HELLS: variants seen among roughly 807,000 people sequenced by gnomAD.
The protein encoded by HELLS is lymphoid-specific helicase.
In HELLS, 32 loss-of-function variants were observed where a neutral mutation model predicts 120.0. The observed-to-expected ratio is 0.27, with a 90% confidence interval of 0.20 to 0.36. The LOEUF (loss-of-function observed/expected upper bound fraction) is 0.36. Among genes scored for constraint, HELLS ranks in the 10% least tolerant of loss-of-function variants. The pLI, the probability that HELLS is intolerant of heterozygous loss-of-function variation, is 1.00. For synonymous variants in HELLS, 341 were observed against 323.4 expected, an observed-to-expected ratio of 1.05 and a Z score of -0.58; for missense variants, 650 against 993.4, an observed-to-expected ratio of 0.65 and a Z score of 4.65.
Position 94,592,423 on chromosome 10 carries a change from T to C in HELLS, c.1880T>C (p.Met627Thr). Residue 627 changes from methionine to threonine, a missense_variant, in exon 17 of 22, where the codon ATG (methionine) becomes ACG (threonine). This residue lies in a region of HELLS where 191 missense variants were observed against 259.7 expected (regional missense o/e 0.74). Transcript: ENST00000348459. ...KVLLFSQMTSMLDILMDYCHL... is the reference protein window; with the variant it reads ...KVLLFSQMTSTLDILMDYCHL... ...CTGCTTTTTTCACAAATGACAAGCA[T>C]GTTGGACATTTTGATGGATTACTGC... The C allele has an allele frequency of 6.3e-7, 1 of 1,590,890 alleles. No homozygotes were observed. Among genetic ancestry groups the C allele is most frequent in the African/African-American group, 1.4e-5 (1 of 73,734 alleles).
At chr10:94,572,320 A>T (rs1844219392) in intron 7 of HELLS, among the ~76,000 whole-genome samples, 1 of 152,210 alleles carries the variant, frequency 6.6e-6, no homozygotes, top group South Asian at 2.1e-4. Context: ...GAATTTCGAC[A>T]CTTGCATACA....
chr10:94,583,275 A>G (rs1200524472), intron 12 of HELLS, among the ~76,000 whole-genome samples: 2 of 152,074 alleles, frequency 1.3e-5, no homozygotes, highest in Non-Finnish European at 2.9e-5. Flanking sequence ...CAGATAGTAT[A>G]CTCATTTTAC....
intron 12 of HELLS, chr10:94,584,162 G>T: frequency 1.1e-6 from 1 of 933,746 alleles, no homozygotes; most frequent in South Asian, 3.3e-5. Context: ...AGATTAAAAA[G>T]GATGATTATT....
At chr10:94,550,652 G>A (rs1050229037) in intron 2 of HELLS, among the ~76,000 whole-genome samples, 1 of 152,084 alleles carries the variant, frequency 6.6e-6, no homozygotes, top group Non-Finnish European at 1.5e-5. Flanking sequence ...CACTTTGGGA[G>A]GCTGAGGCGG....
downstream of HELLS, among the ~76,000 whole-genome samples, chr10:94,606,331 C>G (rs1327720732): frequency 2.0e-5 from 3 of 151,742 alleles, no homozygotes; most frequent in African/African-American, 7.3e-5. Context: ...AATGTGTGGT[C>G]CCTTCTCTGC....
intron 9 of HELLS, among the ~76,000 whole-genome samples, chr10:94,576,024 C>T (rs1380447523): frequency 6.6e-6 from 1 of 151,868 alleles, no homozygotes; most frequent in African/African-American, 2.4e-5. Context: ...CTGGAACTCC[C>T]GACCTCAGGT....
Position 94,581,313 on chromosome 10 carries a change from A to C in HELLS, c.1033-13A>C, listed in dbSNP as rs1280797485. On this transcript the variant is annotated splice_polypyrimidine_tract_variant and intron_variant, in intron 10 of 21. Transcript: ENST00000348459. ...CATTGTTTAAAAATCTTTTTCCTCA[A>C]TTCGTTTTCTAGCATTGCTATTGGA... 4.4e-5 allele frequency: 66 copies of C among 1,486,140 alleles called. No individual in the cohort carries two copies. Among genetic ancestry groups the C allele is most frequent in the Non-Finnish European group, 5.8e-5 (64 of 1,105,298 alleles). 92.1% of individuals were successfully genotyped at this position (1,486,140 alleles called of 1,614,324 possible).
At chr10:94,578,376 TTTA>T (rs1844629220) in intron 10 of HELLS, among the ~76,000 whole-genome samples, 1 of 152,130 alleles carries the variant, frequency 6.6e-6, no homozygotes. Flanking sequence ...GCACTTTATT[TTTA>T]TTATTATAAA....
chr10:94,561,122 C>G (rs1231152355), intron 4 of HELLS, among the ~76,000 whole-genome samples: 1 of 151,682 alleles, frequency 6.6e-6, no homozygotes, highest in East Asian at 1.9e-4. Flanking sequence ...ATTTCAGAGA[C>G]TTACCTAGGG....
chr10:94,565,981 C>T (rs980052478), intron 6 of HELLS, among the ~76,000 whole-genome samples: 1 of 152,088 alleles, frequency 6.6e-6, no homozygotes, highest in Non-Finnish European at 1.5e-5. Context: ...CAGCCTCAAC[C>T]TCCCAGACTC....
Position 94,574,164 on chromosome 10 carries a change from G to C in HELLS, c.682G>C (p.Val228Leu), listed in dbSNP as rs1279408343. The C allele has an allele frequency of 6.2e-7, 1 of 1,613,184 alleles. No individual in the cohort carries two copies. ...FTGGVMRWYQ[V>L]EGMEWLRMLW... ...TGGAGGAGTGATGCGATGGTACCAA[G>C]TAGAAGGCATGGAATGGCTTAGGGT... Residue 228 changes from valine to leucine, a missense_variant, in exon 8 of 22, where the codon GTA becomes CTA. Val to Leu is a conservative substitution (Grantham distance 32). Coordinates refer to ENST00000348459, the MANE Select transcript of HELLS (RefSeq NM_018063.5).
At chr10:94,588,174 T>C in intron 12 of HELLS, 55 bp from the exon 13 acceptor site, 1 of 1,093,466 alleles carries the variant, frequency 9.1e-7, no homozygotes. Flanking sequence ...ACAGTATTCC[T>C]TGAAAAACAA....
intron 12 of HELLS, 50 bp from the exon 13 acceptor site, chr10:94,588,179 A>G (rs1845276015): frequency 8.6e-7 from 1 of 1,169,212 alleles, no homozygotes; most frequent in African/African-American, 1.5e-5. Context: ...ATTCCTTGAA[A>G]AACAAGAATG....
chr10:94,602,503 C>T (rs941317370), downstream of HELLS, among the ~76,000 whole-genome samples: 1 of 152,114 alleles, frequency 6.6e-6, no homozygotes, highest in Non-Finnish European at 1.5e-5. Flanking sequence ...AAGAGAAATC[C>T]TGAATGTACC....
chr10:94,605,118 T>C (rs1407209628), downstream of HELLS, among the ~76,000 whole-genome samples: 4 of 138,990 alleles, frequency 2.9e-5, no homozygotes, highest in Non-Finnish European at 3.1e-5. Flanking sequence ...GTTTCACTCT[T>C]GTTGCCCAGG....
rs1370686959 is a variant in HELLS, at chr10:94,581,454, A to C, written c.1161A>C (p.Gln387His). The change falls in exon 11 of 22, where the codon CAA (glutamine) becomes CAC (histidine). Residue 387 changes from glutamine (Q) to histidine (H), a missense_variant. Gln to His is a conservative substitution (Grantham distance 24, BLOSUM62 0). Transcript: ENST00000348459. The stretch of plus-strand genomic sequence containing the variant: ...TTCTTTTGACTGGTACTCCCTTGCA[A>C]AACAATTTATCAGAACTTTGGTCAT... ...NKLLLTGTPL[Q>H]NNLSELWSLL... The C allele has an allele frequency of 6.2e-7, 1 of 1,613,086 alleles. No individual in the cohort carries two copies. The highest frequency in any genetic ancestry group is 8.5e-7 in the Non-Finnish European group (1 of 1,179,602).
At chr10:94,550,906 G>A (rs1842952121) in intron 2 of HELLS, 1 of 151,942 alleles carries the variant, frequency 6.6e-6, no homozygotes, top group Non-Finnish European at 1.5e-5. Context: ...AAAAGAAAAA[G>A]TGCTAATTCT....
chr10:94,571,525 C>T, intron 7 of HELLS, 96 bp downstream of exon 7: 3 of 983,514 alleles, frequency 3.1e-6, no homozygotes, highest in Non-Finnish European at 4.4e-6. Context: ...GTTCTTCTCA[C>T]TATTATCCTG....
downstream of HELLS, among the ~76,000 whole-genome samples, chr10:94,603,817 A>G (rs1846094126): frequency 6.7e-6 from 1 of 148,910 alleles, no homozygotes; most frequent in African/African-American, 2.5e-5. Flanking sequence ...TGTTGCCTGT[A>G]CTTTTTCTTT....
Sources: allele counts gnomAD v4.1 joint callset (sites outside exome capture counted in the v4.1 genomes callset), GRCh38; gene constraint gnomAD v4.1.1; regional missense constraint gnomAD v4.1.1; transcripts MANE v1.5; gene names NCBI Gene and HGNC (gene_info 2026-07-23, HGNC 2026-07-21).